BRD4: variants seen among roughly 807,000 people sequenced by gnomAD.
The protein encoded by BRD4 is bromodomain-containing protein 4.
Under a neutral mutation model 142.1 loss-of-function variants are expected in BRD4, and 16 were observed. That is an observed-to-expected ratio of 0.11 (90% CI 0.08 to 0.17). The LOEUF (loss-of-function observed/expected upper bound fraction) is 0.17, where lower values mean the gene tolerates loss of function less well. Ranked by LOEUF, BRD4 falls within the 10% of genes least tolerant of loss-of-function variation. The probability of loss-of-function intolerance (pLI) is 1.00; values close to 1 mark genes in which losing one functional copy is unlikely to be tolerated. For synonymous variants in BRD4, 833 were observed against 707.5 expected (o/e 1.18, Z -2.82); for missense variants, 1,424 against 1,810.9 (o/e 0.79, Z 3.88).
intron 1 of BRD4, among the ~76,000 whole-genome samples, chr19:15,314,211 A>C (rs960053419): frequency 1.3e-5 from 2 of 152,182 alleles, no homozygotes; most frequent in Admixed American, 6.5e-5. Flanking sequence ...AACCCTGCTC[A>C]CAAAATGGAG....
chr19:15,327,608 C>T (rs750926999), intron 1 of BRD4, among the ~76,000 whole-genome samples: 3 of 151,922 alleles, frequency 2.0e-5, no homozygotes, highest in Non-Finnish European at 2.9e-5. Flanking sequence ...TCACAATTGC[C>T]AAAAAGTGAA....
Position 15,243,257 on chromosome 19 carries a change from C to T in BRD4, c.2812G>A (p.Val938Met). ...GGGAGTAGCGGCGTAGGGGGCTGCA[C>T]CTTCTGCAGCTGCTGCAGGTACAGC... is the stretch of plus-strand genomic sequence containing the variant. The part of the protein sequence containing the change: ...MQLYLQQLQK[V>M]QPPTPLLPSV... The change falls in exon 14 of 20, where the codon GTG (valine) becomes ATG (methionine). Residue 938 changes from valine to methionine, a missense_variant. By Grantham distance (21) the Val-to-Met change is conservative. Transcript: ENST00000679869. The T allele has an allele frequency of 2.8e-6, 4 of 1,453,768 alleles. No individual in the cohort carries two copies. The highest frequency in any genetic ancestry group is 2.8e-6 in the Non-Finnish European group (3 of 1,087,518). The allele number at this position is 1,453,768 out of a possible 1,614,324, so 90.1% of individuals were successfully genotyped here.
intron 11 of BRD4, among the ~76,000 whole-genome samples, chr19:15,249,908 TTATATAC>T (rs2047326085): frequency 6.6e-6 from 1 of 152,138 alleles, no homozygotes; most frequent in South Asian, 2.1e-4. Flanking sequence ...GCAGAACCTA[TTATATAC>T]ACTGTTGAGG....
intron 1 of BRD4, among the ~76,000 whole-genome samples, chr19:15,287,896 G>A (rs1025786259): frequency 6.6e-6 from 1 of 151,864 alleles, no homozygotes; most frequent in Non-Finnish European, 1.5e-5. Flanking sequence ...AGCCTCCCGA[G>A]TAGCTGGGAC....
intron 1 of BRD4, among the ~76,000 whole-genome samples, chr19:15,278,854 T>A (rs2145642195): frequency 1.3e-5 from 2 of 151,942 alleles, no homozygotes; most frequent in South Asian, 4.2e-4. Context: ...TTTCTTTTCT[T>A]TTTTGAGACG....
intron 11 of BRD4, among the ~76,000 whole-genome samples, chr19:15,245,914 G>C (rs998213287): frequency 6.6e-6 from 1 of 152,212 alleles, no homozygotes; most frequent in East Asian, 1.9e-4. Flanking sequence ...CTTCCACTTG[G>C]ATCTGCTTCG....
Position 15,255,573 on chromosome 19 carries a change from T to C in BRD4, c.1771A>G (p.Met591Val), listed in dbSNP as rs2047399077. 1.2e-6 allele frequency: 2 copies of C among 1,607,692 alleles called. No homozygotes were observed. Among genetic ancestry groups the C allele is most frequent in the South Asian group, 1.1e-5 (1 of 90,958 alleles). The part of the protein sequence containing the change: ...SNVSKKEPAP[M>V]KSKPPPTYES... ...TACGTGGGAGGGGGCTTGCTCTTCA[T>C]GGGCGCTGGCTCCTTCTTGCTACGA... is the stretch of plus-strand genomic sequence containing the variant. The change falls in exon 10 of 20, where the codon ATG (methionine) becomes GTG (valine). Residue 591 changes from methionine (M) to valine (V), a missense_variant. Around this residue, in one of 16 missense-constraint regions of BRD4, gnomAD observed 86 missense variants for 78.9 expected, o/e 1.09. Transcript: ENST00000679869.
intron 1 of BRD4, among the ~76,000 whole-genome samples, chr19:15,328,506 A>T (rs955350888): frequency 6.6e-6 from 1 of 152,202 alleles, no homozygotes; most frequent in African/African-American, 2.4e-5. Flanking sequence ...TAATAAGTTT[A>T]CTACAACACC....
At chr19:15,271,095 T>A (rs1244036049) in intron 2 of BRD4, among the ~76,000 whole-genome samples, 2 of 152,164 alleles carry the variant, frequency 1.3e-5, no homozygotes, top group Non-Finnish European at 2.9e-5. Context: ...CCCATACTTG[T>A]CTGTCCCGCT....
chr19:15,283,095 G>A (rs1351065423), intron 1 of BRD4, among the ~76,000 whole-genome samples: 3 of 152,198 alleles, frequency 2.0e-5, no homozygotes, highest in Non-Finnish European at 4.4e-5. Context: ...CACAAAGTAG[G>A]GGCTGGCAGT....
intron 11 of BRD4, among the ~76,000 whole-genome samples, chr19:15,250,030 G>A (rs555254176): frequency 1.6e-4 from 25 of 152,254 alleles, no homozygotes; most frequent in African/African-American, 6.0e-4. Flanking sequence ...AGGGGCACTG[G>A]GCTTGTTCCC....
At chr19:15,327,550 GAAAA>G (rs913659889) in intron 1 of BRD4, among the ~76,000 whole-genome samples, 3 of 150,922 alleles carry the variant, frequency 2.0e-5, no homozygotes, top group Admixed American at 2.0e-4. Context: ...TCTCGAAAAA[GAAAA>G]AAAGAGAAAA....
At chr19:15,277,118 T>C (rs1405210749) in intron 1 of BRD4, among the ~76,000 whole-genome samples, 3 of 152,180 alleles carry the variant, frequency 2.0e-5, no homozygotes, top group African/African-American at 7.2e-5. Context: ...CATACTGACC[T>C]GTGGCCAAAA....
Position 15,243,071 on chromosome 19 carries a change from G to C in BRD4, c.2998C>G (p.Gln1000Glu), listed in dbSNP as rs528231191. 6 of 1,525,100 alleles carry C rather than the reference G, an allele frequency of 3.9e-6. No homozygotes were observed. Among genetic ancestry groups the C allele is most frequent in the African/African-American group, 1.4e-5 (1 of 71,694 alleles). 94.5% of individuals were successfully genotyped at this position (1,525,100 alleles called of 1,614,324 possible). A position where few individuals can be genotyped will look rare whatever the true frequency, so the allele number is the denominator to read the frequency against. Residue 1000 changes from glutamine (Q) to glutamate (E), a missense_variant, in exon 14 of 20, where the codon CAG becomes GAG. By Grantham distance (29) the Gln-to-Glu change is conservative (BLOSUM62 2). Transcript: ENST00000679869. ...HQPPPRPVHL[Q>E]PMQFSTHIQQ... Reference sequence around the variant, plus strand: ...ATGTGGGTGGAAAACTGCATGGGCTGCAAGTGCACGGGCCGTGGAGGGGGC... The same window carrying C: ...ATGTGGGTGGAAAACTGCATGGGCTCCAAGTGCACGGGCCGTGGAGGGGGC...
chr19:15,282,019 A>AAAACAAAC (rs71333365), intron 1 of BRD4, among the ~76,000 whole-genome samples: 2 of 151,902 alleles, frequency 1.3e-5, no homozygotes, highest in Admixed American at 1.3e-4. Flanking sequence ...CTCCATCTCC[A>AAAACAAAC]AAACAAACAA....
chr19:15,323,991 A>G lies in BRD4; in HGVS notation c.-35+8299T>C, dbSNP rs541478008. Among the ~76,000 whole-genome samples, 27 of 152,292 alleles carry G rather than the reference A, an allele frequency of 1.8e-4. No individual in the cohort carries two copies. In the South Asian group the frequency reaches 3.9e-3, roughly 22 times the overall value. On this transcript the variant is annotated intron_variant, in intron 1 of 19. Transcript: ENST00000679869. Reference sequence around the variant, plus strand: ...GCACACTGATCCCATTTTACAGAAGAGAAAACTGAGGCTTATGGAGACGAT... The same window carrying G: ...GCACACTGATCCCATTTTACAGAAGGGAAAACTGAGGCTTATGGAGACGAT...
chr19:15,272,909 T>C lies in BRD4; in HGVS notation c.191A>G (p.Gln64Arg), dbSNP rs2047604486. The change falls in exon 2 of 20, where the codon CAA (glutamine) becomes CGA (arginine). Residue 64 changes from glutamine (Q) to arginine (R), a missense_variant. Gln to Arg is a conservative substitution (Grantham distance 43, BLOSUM62 1). This residue lies in a region of BRD4 where 55 missense variants were observed against 160.7 expected (regional missense o/e 0.34). Coordinates refer to ENST00000679869, the MANE Select transcript of BRD4 (RefSeq NM_001379291.1). ...CTTGAGCACCACTCTGAGCAGGTATTGCAGTTGGTTGGTCTGCCTCTTGGG... is the reference window on the plus strand; with the variant it reads ...CTTGAGCACCACTCTGAGCAGGTATCGCAGTTGGTTGGTCTGCCTCTTGGG... Reference protein sequence around the residue: ...NKPKRQTNQLQYLLRVVLKTL... With the variant: ...NKPKRQTNQLRYLLRVVLKTL... The C allele has an allele frequency of 6.2e-7, 1 of 1,614,150 alleles. No individual in the cohort carries two copies. Among genetic ancestry groups the C allele is most frequent in the African/African-American group, 1.3e-5 (1 of 75,044 alleles).
chr19:15,240,262 C>A (rs1289858096), intron 14 of BRD4, among the ~76,000 whole-genome samples: 4 of 152,190 alleles, frequency 2.6e-5, no homozygotes, highest in African/African-American at 9.7e-5. Context: ...GCATGTGGGG[C>A]ATAACTCAGT....
chr19:15,256,809 T>C (rs2047414130), intron 8 of BRD4, among the ~76,000 whole-genome samples, 155 bp downstream of exon 8: 4 of 152,144 alleles, frequency 2.6e-5, no homozygotes, highest in Non-Finnish European at 4.4e-5. Flanking sequence ...TCAACATGCA[T>C]TTGACCTAGC....
Sources: allele counts gnomAD v4.1 joint callset (sites outside exome capture counted in the v4.1 genomes callset), GRCh38; gene constraint gnomAD v4.1.1; regional missense constraint gnomAD v4.1.1; transcripts MANE v1.5; gene names NCBI Gene and HGNC (gene_info 2026-07-23, HGNC 2026-07-21).